The following SPSB1 variants were observed in gnomAD, a reference collection of about 807,000 sequenced individuals.
The protein encoded by SPSB1 is splA/ryanodine receptor domain and SOCS box containing 1, also known as SPRY domain-containing SOCS box protein 1.
SPSB1 carries 8 observed loss-of-function variants against 21.2 expected under a neutral mutation model. The observed-to-expected ratio is 0.38, with a 90% confidence interval of 0.22 to 0.68. SPSB1 has a LOEUF of 0.68. Among genes scored for constraint, SPSB1 ranks in the 30% least tolerant of loss-of-function variants. The pLI, the probability that SPSB1 is intolerant of heterozygous loss-of-function variation, is 0.53. For missense variants in SPSB1, 242 were observed against 377.8 expected (o/e 0.64, Z 2.98); for synonymous variants, 169 against 161.7 (o/e 1.05, Z -0.34).
At position 9,293,008 on chromosome 1, in the gene SPSB1, C is replaced by CG; in HGVS notation, c.-211dup. On this transcript the variant is annotated 5_prime_UTR_variant, in exon 1 of 3. Coordinates refer to ENST00000328089, the MANE Select transcript of SPSB1 (RefSeq NM_025106.4). This position sits in a 1 kb window ranked among gnomAD's most constrained non-coding sequence, Gnocchi z 5.1. The stretch of plus-strand genomic sequence containing the variant: ...GCGACTTCGCTCCCTGCGGCGGGCG[C>CG]GGCCCGGGCGCCCGAGCCTCCTCGG... 7 of 981,510 alleles carry CG rather than the reference C, an allele frequency of 7.1e-6. No individual in the cohort carries two copies. Among genetic ancestry groups the CG allele is most frequent in the Non-Finnish European group, 8.5e-6 (7 of 827,432 alleles). The allele number at this position is 981,510 out of a possible 1,614,324, so 60.8% of individuals were successfully genotyped here.
At chr1:9,349,858 A>G (rs529722766) in intron 1 of SPSB1, among the ~76,000 whole-genome samples, 4 of 152,254 alleles carry the variant, frequency 2.6e-5, no homozygotes, top group African/African-American at 4.8e-5. Flanking sequence ...GGAGTTCCCA[A>G]CCCAGAGTGA....
rs553288355 is a variant in SPSB1, at chr1:9,324,424, G to A, written c.-149-31319G>A. 1.3e-5 allele frequency among the ~76,000 whole-genome samples: 2 copies of A among 152,242 alleles called. No homozygotes were observed. The highest frequency in any genetic ancestry group is 4.1e-4 in the South Asian group (2 of 4,822). On this transcript the variant is annotated intron_variant, in intron 1 of 2. Coordinates refer to ENST00000328089, the MANE Select transcript of SPSB1 (RefSeq NM_025106.4). The surrounding 1 kb of genome is among the most constrained non-coding windows in gnomAD (Gnocchi z 4.3). ...GTGAGGCTGTGATGAGCGTGGGGGC[G>A]TCTGGTGCCTGGGTGCACATCCCTG...
chr1:9,308,502 G>A (rs1057367776), intron 1 of SPSB1, among the ~76,000 whole-genome samples: 3 of 152,204 alleles, frequency 2.0e-5, no homozygotes, highest in Non-Finnish European at 4.4e-5. Flanking sequence ...TGGAGCTCCC[G>A]ACAACTTGTT....
chr1:9,298,552 C>T (rs913026682), intron 1 of SPSB1, among the ~76,000 whole-genome samples: 1 of 152,184 alleles, frequency 6.6e-6, no homozygotes. Context: ...TCCTAGCCTT[C>T]CCCAAAGGGA....
chr1:9,320,368 G>A (rs1036697030), intron 1 of SPSB1, among the ~76,000 whole-genome samples: 1 of 152,166 alleles, frequency 6.6e-6, no homozygotes, highest in African/African-American at 2.4e-5. Flanking sequence ...AAAGCTCCCG[G>A]GGACTTTGCC....
chr1:9,334,578 T>C (rs1639974353), intron 1 of SPSB1, among the ~76,000 whole-genome samples: 1 of 152,188 alleles, frequency 6.6e-6, no homozygotes, highest in Non-Finnish European at 1.5e-5. Flanking sequence ...ACCTTCATAT[T>C]GTTGTACAAC....
intron 1 of SPSB1, among the ~76,000 whole-genome samples, chr1:9,312,962 C>A (rs1437646488): frequency 6.6e-6 from 1 of 152,184 alleles, no homozygotes; most frequent in Non-Finnish European, 1.5e-5. Context: ...TAGAACAAGA[C>A]CAGTTTGCTT....
At chr1:9,319,359 A>G (rs1197330551) in intron 1 of SPSB1, among the ~76,000 whole-genome samples, 1 of 152,122 alleles carries the variant, frequency 6.6e-6, no homozygotes, top group Non-Finnish European at 1.5e-5. Flanking sequence ...GGCGGGGAAC[A>G]CACCCAGCCC....
At chr1:9,309,323 TGTGTGTGTGTGA>T (rs1322813847) in intron 1 of SPSB1, among the ~76,000 whole-genome samples, 2,482 of 150,970 alleles carry the variant, frequency 0.016, 59 homozygotes, top group African/African-American at 0.051. Context: ...TGTGTGTGTG[TGTGTGTGTGTGA>T]GTGACAGATT....
chr1:9,364,986 G>A (rs1352179500), intron 2 of SPSB1, among the ~76,000 whole-genome samples: 1 of 152,090 alleles, frequency 6.6e-6, no homozygotes, highest in Non-Finnish European at 1.5e-5. Flanking sequence ...CGAGTAGCCG[G>A]GACTACAGGC....
At chr1:9,361,168 T>TC (rs1557467330) in intron 2 of SPSB1, among the ~76,000 whole-genome samples, 22 of 142,000 alleles carry the variant, frequency 1.5e-4, no homozygotes, top group African/African-American at 5.6e-4. Context: ...TTTTTTTTTT[T>TC]TTTTTTTTTT....
At chr1:9,308,307 GGGTCATGGATA>G in intron 1 of SPSB1, among the ~76,000 whole-genome samples, 1 of 152,276 alleles carries the variant, frequency 6.6e-6, no homozygotes, top group African/African-American at 2.4e-5. Flanking sequence ...ATCCTTGGTG[GGGTCATGGATA>G]CCCAGGTCCT....
chr1:9,351,530 G>C (rs879782444), intron 1 of SPSB1: 1 of 152,042 alleles, frequency 6.6e-6, no homozygotes, highest in Non-Finnish European at 1.5e-5. Flanking sequence ...GGTGGCCGGA[G>C]CTACTGTCTC....
Position 9,368,543 on chromosome 1 carries a change from A to G in SPSB1, c.*968A>G, listed in dbSNP as rs1032964669. ...CTCTTGGGCTCAGGCACCCTTGCAC[A>G]GGGTTGCATTTCTTTAGTCTTCTGT... On this transcript the variant is annotated 3_prime_UTR_variant, in exon 3 of 3. Coordinates refer to ENST00000328089, the MANE Select transcript of SPSB1 (RefSeq NM_025106.4). 16 of 152,188 alleles carry G rather than the reference A, an allele frequency of 1.1e-4. No individual in the cohort carries two copies. The highest frequency in any genetic ancestry group is 9.8e-4 in the Admixed American group (15 of 15,280). The allele number at this position is 152,188 out of a possible 1,614,324, so 9.4% of individuals were successfully genotyped here.
intron 1 of SPSB1, among the ~76,000 whole-genome samples, chr1:9,314,959 C>G (rs535760024): frequency 1.3e-5 from 2 of 152,334 alleles, no homozygotes; most frequent in South Asian, 4.1e-4. Flanking sequence ...GAGTGGAGTC[C>G]TTGGCACTGT....
rs1247836287 is a variant in SPSB1, at chr1:9,368,151, A to G, written c.*576A>G. 2 of 155,454 alleles carry G rather than the reference A, an allele frequency of 1.3e-5. No homozygotes were observed. The highest frequency in any genetic ancestry group is 2.9e-5 in the Non-Finnish European group (2 of 69,768). 9.6% of individuals were successfully genotyped at this position (155,454 alleles called of 1,614,324 possible). A position where few individuals can be genotyped will look rare whatever the true frequency, so the allele number is the denominator to read the frequency against. ...GCAGGCAAATAAGCACCCAGCACCC[A>G]TCCTGGCTGCCGGTGCCCCGTACCC... On this transcript the variant is annotated 3_prime_UTR_variant, in exon 3 of 3. Transcript: ENST00000328089.
chr1:9,306,039 G>A (rs1639404932), intron 1 of SPSB1, among the ~76,000 whole-genome samples: 1 of 152,208 alleles, frequency 6.6e-6, no homozygotes, highest in African/African-American at 2.4e-5. Context: ...AGGCGTGTTG[G>A]GGACAGAGCA....
chr1:9,360,547 G>T (rs1640454187), intron 2 of SPSB1, among the ~76,000 whole-genome samples: 1 of 152,162 alleles, frequency 6.6e-6, no homozygotes, highest in Admixed American at 6.5e-5. Flanking sequence ...CTGCCTCCGA[G>T]CTCTGAGGGG....
chr1:9,343,290 G>C (rs958443995), intron 1 of SPSB1, among the ~76,000 whole-genome samples: 2 of 152,184 alleles, frequency 1.3e-5, no homozygotes, highest in Non-Finnish European at 2.9e-5. Context: ...CCAGGCAAGT[G>C]CCAGTCTGCT....
Sources: gnomAD v4.1 joint callset for allele counts (sites outside exome capture counted in the v4.1 genomes callset) on GRCh38, gnomAD v4.1.1 for gene constraint, Gnocchi (gnomAD v3.1) non-coding constraint, MANE v1.5 for transcripts, NCBI Gene and HGNC (gene_info 2026-07-23, HGNC 2026-07-21) for gene names.